GPHN: variants seen among roughly 807,000 people sequenced by gnomAD.
GPHN encodes gephyrin.
Under a neutral mutation model 95.5 loss-of-function variants are expected in GPHN, and 17 were observed. The ratio of observed to expected loss-of-function variants is 0.18; its 90% CI spans 0.12 to 0.27. The LOEUF is 0.27. Among genes scored for constraint, GPHN ranks in the 10% least tolerant of loss-of-function variants. GPHN has a pLI of 1.00. For missense variants in GPHN, 660 were observed against 978.1 expected (o/e 0.67, Z 4.34); for synonymous variants, 320 against 322.5 (o/e 0.99, Z 0.08).
chr14:66,508,495 G>A lies in GPHN; in HGVS notation c.-33G>A. 2 of 1,608,594 alleles carry A rather than the reference G, an allele frequency of 1.2e-6. No individual in the cohort carries two copies. Among genetic ancestry groups the A allele is most frequent in the Non-Finnish European group, 1.7e-6 (2 of 1,175,012 alleles). On this transcript the variant is annotated 5_prime_UTR_variant, in exon 1 of 23. Coordinates refer to ENST00000478722, the MANE Select transcript of GPHN (RefSeq NM_020806.5). ...GCGCTCCGGGCTCCGGTTTCTCCCG[G>A]CTCCTGTCAGTGCGGTGACTGCGCT...
At chr14:67,366,934 T>G in the GPHN span, among the ~76,000 whole-genome samples, 1 of 152,124 alleles carries the variant, frequency 6.6e-6, no homozygotes, top group Non-Finnish European at 1.5e-5. Flanking sequence ...AGAAAATTTA[T>G]GGTCTTATTG....
intron 9 of GPHN, among the ~76,000 whole-genome samples, chr14:67,017,106 C>G (rs1265433857): frequency 3.9e-5 from 6 of 152,078 alleles, no homozygotes; most frequent in Non-Finnish European, 7.4e-5. Flanking sequence ...CTTTATCATG[C>G]TGCCTTTCAT....
the GPHN span, among the ~76,000 whole-genome samples, chr14:67,256,877 G>C: frequency 1.3e-5 from 2 of 151,840 alleles, no homozygotes; most frequent in South Asian, 4.2e-4. Context: ...AAAAAATATT[G>C]ATTCTTTTTA....
the GPHN span, among the ~76,000 whole-genome samples, chr14:67,574,676 G>T: frequency 6.6e-6 from 1 of 152,106 alleles, no homozygotes; most frequent in Non-Finnish European, 1.5e-5. The surrounding 1 kb of genome is among the most constrained non-coding windows in gnomAD (Gnocchi z 4.2). Flanking sequence ...AGGTCATTAG[G>T]GGCTGTCACC....
chr14:66,850,633 T>C (rs997709474), intron 4 of GPHN, among the ~76,000 whole-genome samples: 2 of 152,132 alleles, frequency 1.3e-5, no homozygotes, highest in South Asian at 2.1e-4. Flanking sequence ...CCTAGTGATA[T>C]CAGGTGGGTA....
chr14:67,100,901 C>T lies in GPHN; in HGVS notation c.1283C>T (p.Ala428Val). ...CGTTTCATCATTGGGGAATCCCAAG[C>T]TGGTGAACAGGTGAGATTGATAGGC... ...GDRFIIGESQ[A>V]GEQPTQTVMP... is the part of the protein sequence containing the mutation. Residue 428 changes from alanine (A) to valine (V), a missense_variant, in exon 13 of 23, where the codon GCT becomes GTT. Ala to Val is a moderately conservative substitution (Grantham distance 64). Transcript: ENST00000478722. The T allele has an allele frequency of 6.3e-7, 1 of 1,595,630 alleles. No homozygotes were observed. Among genetic ancestry groups the T allele is most frequent in the African/African-American group, 1.3e-5 (1 of 74,666 alleles).
At chr14:67,312,465 G>A in the GPHN span, 3 of 1,174,552 alleles carry the variant, frequency 2.6e-6, no homozygotes, top group Non-Finnish European at 3.5e-6. Context: ...CATTTAAATT[G>A]TATTCATATG....
the GPHN span, chr14:67,204,580 G>A: frequency 5.2e-5 from 84 of 1,613,510 alleles, no homozygotes; most frequent in Non-Finnish European, 7.0e-5. Flanking sequence ...GCATGATGCG[G>A]AGAACATGAG....
the GPHN span, chr14:67,395,705 C>G: frequency 7.2e-6 from 5 of 697,532 alleles, no homozygotes; most frequent in Non-Finnish European, 9.9e-6. Flanking sequence ...CCTGAGCCCT[C>G]GGCCACATAG....
chr14:66,729,408 G>T (rs1227502614), intron 2 of GPHN, among the ~76,000 whole-genome samples: 1 of 152,186 alleles, frequency 6.6e-6, no homozygotes, highest in Non-Finnish European at 1.5e-5. Flanking sequence ...GATCTAGTTT[G>T]TGTGTAGAAA....
rs1177915817 is a variant in GPHN at position 66,961,900 on chromosome 14, G to GTGTATATATA, written c.829-3290_829-3289insGTATATATAT. Among the ~76,000 whole-genome samples, 83 of 52,998 alleles carry GTGTATATATA rather than the reference G, an allele frequency of 1.6e-3. 3 individuals are homozygous for GTGTATATATA. The highest frequency in any genetic ancestry group is 2.4e-3 in the African/African-American group (44 of 18,544). The allele number at this position is 52,998 out of a possible 152,430, so 34.8% of individuals were successfully genotyped here. On this transcript the variant is annotated intron_variant, in intron 8 of 22. Coordinates refer to ENST00000478722, the MANE Select transcript of GPHN (RefSeq NM_020806.5). ...AACCAACCATTCTATCCCTGAATGT[G>GTGTATATATA]TATATATATATATATATATATATAT...
At chr14:67,610,882 G>T in the GPHN span, 1 of 152,030 alleles carries the variant, frequency 6.6e-6, no homozygotes, top group Non-Finnish European at 1.5e-5. Context: ...GCTTGACCCT[G>T]CAATTATTAA....
intron 4 of GPHN, among the ~76,000 whole-genome samples, chr14:66,839,633 C>G (rs2061995847): frequency 6.6e-6 from 1 of 152,050 alleles, no homozygotes; most frequent in Non-Finnish European, 1.5e-5. Flanking sequence ...TATAATGTGT[C>G]AATTGTCTGC....
At chr14:67,157,145 A>G (rs1278376300) in intron 18 of GPHN, among the ~76,000 whole-genome samples, 2 of 152,048 alleles carry the variant, frequency 1.3e-5, no homozygotes, top group Non-Finnish European at 2.9e-5. Flanking sequence ...AAAAGTTACA[A>G]TGAAATATAG....
At chr14:67,100,462 T>G (rs2077635227) in intron 12 of GPHN, among the ~76,000 whole-genome samples, 1 of 152,220 alleles carries the variant, frequency 6.6e-6, no homozygotes, top group Admixed American at 6.5e-5. Flanking sequence ...TATATATATA[T>G]ATATGTCCAT....
At chr14:67,721,738 GATAT>G in the GPHN span, among the ~76,000 whole-genome samples, 1,246 of 146,972 alleles carry the variant, frequency 8.5e-3, 7 homozygotes, top group East Asian at 0.022. Flanking sequence ...AACAAGTGGG[GATAT>G]ATATATATAT....
chr14:66,757,422 C>T (rs2058601697), intron 2 of GPHN, among the ~76,000 whole-genome samples: 2 of 152,110 alleles, frequency 1.3e-5, no homozygotes, highest in South Asian at 2.1e-4. Context: ...CCAATTCTCA[C>T]TCTGTCACCC....
rs57454124 is a variant in GPHN at position 66,632,498 on chromosome 14, T to A, written c.65-48609T>A. The stretch of plus-strand genomic sequence containing the variant: ...TTTCTTACAATACATTCTTTTTTTT[T>A]TTTTTTTTTTTTTGGGATGGAGTTT... On this transcript the variant is annotated intron_variant, in intron 1 of 22. Coordinates refer to ENST00000478722, the MANE Select transcript of GPHN (RefSeq NM_020806.5). Among the ~76,000 whole-genome samples the A allele has an allele frequency of 1.9e-4, 18 of 95,752 alleles. No individual in the cohort carries two copies. The South Asian group carries it at 2.8e-3, about 15-fold the overall frequency. 62.8% of individuals were successfully genotyped at this position (95,752 alleles called of 152,430 possible).
At chr14:66,757,418 C>T (rs940928060) in intron 2 of GPHN, among the ~76,000 whole-genome samples, 1 of 152,054 alleles carries the variant, frequency 6.6e-6, no homozygotes, top group African/African-American at 2.4e-5. Context: ...GAGACCAATT[C>T]TCACTCTGTC....
Sources: gnomAD v4.1 joint callset for allele counts (sites outside exome capture counted in the v4.1 genomes callset) on GRCh38, gnomAD v4.1.1 for gene constraint, Gnocchi (gnomAD v3.1) non-coding constraint, MANE v1.5 for transcripts, NCBI Gene and HGNC (gene_info 2026-07-23, HGNC 2026-07-21) for gene names.